MEIS2: variants seen among roughly 807,000 people sequenced by gnomAD.
MEIS2 encodes the protein homeobox protein Meis2.
Under a neutral mutation model 58.6 loss-of-function variants are expected in MEIS2, and 9 were observed. The observed-to-expected ratio is 0.15, with a 90% confidence interval of 0.09 to 0.27. The LOEUF is 0.27. MEIS2 is among the 10% of genes least tolerant of loss of function. The pLI, the probability that MEIS2 is intolerant of heterozygous loss-of-function variation, is 1.00. For synonymous variants in MEIS2, 221 were observed against 228.4 expected, an observed-to-expected ratio of 0.97 and a Z score of 0.29; for missense variants, 427 against 635.0, an observed-to-expected ratio of 0.67 and a Z score of 3.52.
chr15:36,982,373 T>C (rs2059955992), intron 8 of MEIS2, among the ~76,000 whole-genome samples: 1 of 152,184 alleles, frequency 6.6e-6, no homozygotes, highest in Non-Finnish European at 1.5e-5. Flanking sequence ...TTAACTCTTT[T>C]AGTATCCACA....
chr15:36,928,527 C>A (rs1033709085), intron 9 of MEIS2, among the ~76,000 whole-genome samples: 1 of 152,156 alleles, frequency 6.6e-6, no homozygotes, highest in Non-Finnish European at 1.5e-5. Context: ...TCTACTGTAT[C>A]CTACTGCCTC....
intron 7 of MEIS2, among the ~76,000 whole-genome samples, chr15:37,062,113 C>A (rs556411412): frequency 2.0e-5 from 3 of 152,140 alleles, no homozygotes; most frequent in Non-Finnish European, 4.4e-5. Context: ...GACTCAAGAA[C>A]TTTCCACAGA....
chr15:36,995,678 T>C (rs113868967), intron 8 of MEIS2, among the ~76,000 whole-genome samples: 5 of 93,792 alleles, frequency 5.3e-5, no homozygotes, highest in African/African-American at 2.1e-4. Context: ...CTAGAGGCAG[T>C]TCATCAGCTA....
At chr15:36,894,464 G>A (rs1595664845) in intron 11 of MEIS2, 1 of 269,588 alleles carries the variant, frequency 3.7e-6, no homozygotes, top group Non-Finnish European at 7.1e-6. Context: ...GCACATTGGG[G>A]CCACAGTAAA....
At chr15:36,909,778 G>T (rs2056914504) in intron 9 of MEIS2, among the ~76,000 whole-genome samples, 1 of 144,404 alleles carries the variant, frequency 6.9e-6, no homozygotes, top group Non-Finnish European at 1.5e-5. Context: ...CTGTACTGGG[G>T]ATGATGGGGC....
intron 9 of MEIS2, among the ~76,000 whole-genome samples, chr15:36,906,219 T>C (rs2056728847): frequency 6.6e-6 from 1 of 152,174 alleles, no homozygotes; most frequent in African/African-American, 2.4e-5. Context: ...TTCTTGAAAT[T>C]CCTAAATGGT....
intron 9 of MEIS2, among the ~76,000 whole-genome samples, chr15:36,908,935 A>T (rs1447153367): frequency 6.6e-6 from 1 of 152,122 alleles, no homozygotes; most frequent in East Asian, 1.9e-4. Context: ...GTGAAACTCC[A>T]TCTCAAAATA....
chr15:37,045,979 G>A (rs1477915696), intron 7 of MEIS2, among the ~76,000 whole-genome samples: 1 of 152,180 alleles, frequency 6.6e-6, no homozygotes, highest in Non-Finnish European at 1.5e-5. Flanking sequence ...CCCGGGGTAT[G>A]AGCAGAAAGG....
chr15:37,024,190 G>A (rs1487237969), intron 8 of MEIS2, among the ~76,000 whole-genome samples: 10 of 151,916 alleles, frequency 6.6e-5, no homozygotes, highest in South Asian at 4.1e-4. Flanking sequence ...GAGCCACTGC[G>A]CCTGTCCTGT....
intron 8 of MEIS2, among the ~76,000 whole-genome samples, chr15:36,982,749 T>C (rs1296440701): frequency 1.3e-5 from 2 of 152,168 alleles, no homozygotes; most frequent in African/African-American, 4.8e-5. Flanking sequence ...ATAATGGCTA[T>C]ACCAATTTAC....
intron 8 of MEIS2, among the ~76,000 whole-genome samples, chr15:36,988,889 C>T (rs2060179022): frequency 6.6e-6 from 1 of 151,958 alleles, no homozygotes; most frequent in African/African-American, 2.4e-5. Flanking sequence ...TCATCTTATC[C>T]CTTCTGCATG....
At chr15:36,916,840 T>C (rs2057300633) in intron 9 of MEIS2, among the ~76,000 whole-genome samples, 1 of 152,230 alleles carries the variant, frequency 6.6e-6, no homozygotes, top group South Asian at 2.1e-4. Context: ...TGCATACATG[T>C]ATCCTCTTAT....
At position 36,892,141 on chromosome 15, in the gene MEIS2, G is replaced by GT; in HGVS notation, c.*31dup. The stretch of plus-strand genomic sequence containing the variant: ...CAGAAAGTCTTAAAATAGTTTTTGC[G>GT]TGTGTTTCCTTTTCCCTTGAGTTCC... On this transcript the variant is annotated 3_prime_UTR_variant, in exon 12 of 12. Coordinates refer to ENST00000561208, the MANE Select transcript of MEIS2 (RefSeq NM_170675.5). 1.2e-6 allele frequency: 2 copies of GT among 1,606,810 alleles called. No individual in the cohort carries two copies. The highest frequency in any genetic ancestry group is 1.7e-6 in the Non-Finnish European group (2 of 1,174,964).
rs760990383 is a variant in MEIS2 at position 37,097,957 on chromosome 15, G to T, written c.245+10C>A. The T allele has an allele frequency of 7.0e-6, 11 of 1,577,450 alleles. No homozygotes were observed. The highest frequency in any genetic ancestry group is 8.6e-6 in the Non-Finnish European group (10 of 1,157,264). ...ACACACAGTAAGCTGGGTCCGGGGG[G>T]TCAGTTTACCCATAGATCGCGTCCT... On this transcript the variant is annotated intron_variant, in intron 2 of 11. Transcript: ENST00000561208.
intron 6 of MEIS2, among the ~76,000 whole-genome samples, chr15:37,088,580 G>A (rs1051913200): frequency 2.0e-5 from 3 of 152,114 alleles, no homozygotes; most frequent in Admixed American, 1.3e-4. Context: ...TTGTAAAGTT[G>A]ACATAAGAAG....
chr15:36,905,691 A>T (rs2056700365), intron 9 of MEIS2, among the ~76,000 whole-genome samples: 1 of 152,188 alleles, frequency 6.6e-6, no homozygotes, highest in South Asian at 2.1e-4. Flanking sequence ...TGTGTCACAC[A>T]TTGGTAAATC....
intron 2 of MEIS2, among the ~76,000 whole-genome samples, chr15:37,096,697 C>T (rs1028573522): frequency 2.6e-5 from 4 of 152,228 alleles, no homozygotes; most frequent in African/African-American, 4.8e-5. Flanking sequence ...ATAAAAACAG[C>T]CTCAGTTGGA....
At chr15:36,894,851 C>A in intron 11 of MEIS2, 1 of 1,467,786 alleles carries the variant, frequency 6.8e-7, no homozygotes, top group Non-Finnish European at 9.6e-7. Flanking sequence ...GCCGGAAAAT[C>A]AGCAATAATT....
chr15:36,999,011 G>A (rs575889520), intron 8 of MEIS2, among the ~76,000 whole-genome samples: 1 of 152,224 alleles, frequency 6.6e-6, no homozygotes, highest in South Asian at 2.1e-4. Context: ...TTAACACGTT[G>A]GCTCTTTCTT....
Sources: gnomAD v4.1 joint callset for allele counts (sites outside exome capture counted in the v4.1 genomes callset) on GRCh38, gnomAD v4.1.1 for gene constraint, MANE v1.5 for transcripts, NCBI Gene and HGNC (gene_info 2026-07-23, HGNC 2026-07-21) for gene names.